Variants in LYN observed in about 807,000 individuals in gnomAD.
The protein encoded by LYN is tyrosine-protein kinase Lyn.
Under a neutral mutation model 65.0 loss-of-function variants are expected in LYN, and 12 were observed. The ratio of observed to expected loss-of-function variants is 0.18; its 90% CI spans 0.12 to 0.30. The LOEUF (loss-of-function observed/expected upper bound fraction) is 0.30. Among genes scored for constraint, LYN ranks in the 10% least tolerant of loss-of-function variants. The pLI, the probability that LYN is intolerant of heterozygous loss-of-function variation, is 1.00. For missense variants in LYN, 380 were observed against 623.2 expected, an observed-to-expected ratio of 0.61 and a Z score of 4.16; for synonymous variants, 222 against 221.2, an observed-to-expected ratio of 1.00 and a Z score of -0.03.
At chr8:55,926,059 A>G (rs1806101270) in intron 1 of LYN, among the ~76,000 whole-genome samples, 1 of 152,220 alleles carries the variant, frequency 6.6e-6, no homozygotes, top group African/African-American at 2.4e-5. Context: ...TATTTTAGCC[A>G]TCCTTAAGAA....
At position 55,999,580 on chromosome 8, in the gene LYN, CTGTA is replaced by C. The variant is rs771702918; in HGVS notation, c.1336+33_1336+36del. On this transcript the variant is annotated intron_variant, in intron 12 of 12. Transcript: ENST00000519728. ...GTTTACTTAGCTATTTACAATCAAG[CTGTA>C]TAAATGAGAAAAAGTCAGGTTGCAT... 3 of 1,608,418 alleles carry C rather than the reference CTGTA, an allele frequency of 1.9e-6. No individual in the cohort carries two copies. In the African/African-American group the frequency reaches 4.0e-5, roughly 22 times the overall value.
intron 10 of LYN, among the ~76,000 whole-genome samples, chr8:55,979,100 G>A (rs1483042659): frequency 7.0e-6 from 1 of 141,966 alleles, no homozygotes; most frequent in Admixed American, 7.2e-5. Flanking sequence ...TGTCACCCAC[G>A]GTGGAGTGCA....
chr8:55,882,563 G>A (rs1030987863), intron 1 of LYN, among the ~76,000 whole-genome samples: 5 of 152,220 alleles, frequency 3.3e-5, no homozygotes, highest in African/African-American at 1.2e-4. Context: ...TCTCAGTGAT[G>A]CATGGATGAG....
intron 1 of LYN, among the ~76,000 whole-genome samples, chr8:55,899,346 A>G (rs1425410797): frequency 2.0e-5 from 3 of 152,336 alleles, no homozygotes; most frequent in African/African-American, 7.2e-5. Flanking sequence ...CCGGACCCCT[A>G]AACTGATGTG....
At chr8:55,931,661 A>G (rs1222761910) in intron 1 of LYN, among the ~76,000 whole-genome samples, 1 of 151,980 alleles carries the variant, frequency 6.6e-6, no homozygotes, top group East Asian at 1.9e-4. Flanking sequence ...TCACTTAAAT[A>G]TATTGTGAAT....
At chr8:55,937,306 G>C (rs1442330550) in intron 1 of LYN, among the ~76,000 whole-genome samples, 2 of 152,092 alleles carry the variant, frequency 1.3e-5, no homozygotes, top group African/African-American at 2.4e-5. Flanking sequence ...TATTAGGTTG[G>C]TGCAAAAGTA....
At chr8:55,935,336 C>A (rs1287068875) in intron 1 of LYN, among the ~76,000 whole-genome samples, 2 of 152,168 alleles carry the variant, frequency 1.3e-5, no homozygotes, top group Non-Finnish European at 2.9e-5. Context: ...ACCAACTGTG[C>A]CCACCCTGGC....
intron 10 of LYN, among the ~76,000 whole-genome samples, chr8:55,991,352 C>G (rs1027659050): frequency 1.3e-5 from 2 of 152,146 alleles, no homozygotes; most frequent in African/African-American, 4.8e-5. Context: ...CTAGCTGCCT[C>G]AAAGCCCTGA....
intron 1 of LYN, among the ~76,000 whole-genome samples, chr8:55,887,838 G>A (rs1804847030): frequency 6.6e-6 from 1 of 151,926 alleles, no homozygotes; most frequent in Non-Finnish European, 1.5e-5. Context: ...TCGAACTTCT[G>A]GCCTCAAGTT....
intron 1 of LYN, among the ~76,000 whole-genome samples, chr8:55,908,222 C>CATTTATATATTT (rs1554575712): frequency 1.5e-4 from 22 of 143,050 alleles, no homozygotes; most frequent in African/African-American, 5.6e-4. Context: ...CTGTTTAAAC[C>CATTTATATATTT]ATTTATTTAT....
chr8:55,959,604 T>A (rs1220077881), intron 8 of LYN, among the ~76,000 whole-genome samples: 3 of 152,166 alleles, frequency 2.0e-5, no homozygotes, highest in African/African-American at 7.2e-5. Context: ...TTTTGCTTTT[T>A]AATTTTTTTT....
chr8:55,942,431 ATGTG>A (rs1179290515), intron 2 of LYN, among the ~76,000 whole-genome samples: 12 of 133,274 alleles, frequency 9.0e-5, no homozygotes, highest in African/African-American at 4.1e-4. Context: ...ATATATATAT[ATGTG>A]TGTGTGTGTA....
At chr8:55,897,151 T>G (rs984108638) in intron 1 of LYN, among the ~76,000 whole-genome samples, 4 of 152,312 alleles carry the variant, frequency 2.6e-5, no homozygotes, top group African/African-American at 7.2e-5. Context: ...ACAGGTATCT[T>G]CTGATTGATC....
intron 12 of LYN, among the ~76,000 whole-genome samples, chr8:56,008,164 A>C (rs971448817): frequency 1.6e-5 from 2 of 126,840 alleles, no homozygotes; most frequent in Non-Finnish European, 3.8e-5. Flanking sequence ...TACTGGTAGT[A>C]CTCTAAAAAA....
intron 10 of LYN, among the ~76,000 whole-genome samples, chr8:55,973,666 A>G (rs928757935): frequency 6.6e-6 from 1 of 152,238 alleles, no homozygotes; most frequent in African/African-American, 2.4e-5. Flanking sequence ...AGAGCAAATA[A>G]ATCATCTTGT....
At chr8:55,933,047 C>A (rs1324606030) in intron 1 of LYN, among the ~76,000 whole-genome samples, 2 of 152,158 alleles carry the variant, frequency 1.3e-5, no homozygotes, top group African/African-American at 4.8e-5. Flanking sequence ...CATCTGTACC[C>A]CAAACCTCAG....
rs142361740 is a variant in LYN at position 55,971,462 on chromosome 8, C to G, written c.1050+1669C>G. ...CTACTCAGGTGGTGATTTGGGTGTC[C>G]CCATGGGTCAAGAGACTTGAGGAGT... On this transcript the variant is annotated intron_variant, in intron 10 of 12. Transcript: ENST00000519728. 2.5e-3 allele frequency among the ~76,000 whole-genome samples: 384 copies of G among 152,284 alleles called. 2 individuals carry two copies. Among genetic ancestry groups the G allele is most frequent in the African/African-American group, 9.0e-3 (375 of 41,558 alleles).
chr8:55,984,378 C>T (rs1196458120), intron 10 of LYN, among the ~76,000 whole-genome samples: 1 of 152,220 alleles, frequency 6.6e-6, no homozygotes, highest in Non-Finnish European at 1.5e-5. Context: ...ATGTCAAACT[C>T]AATGCACCCC....
chr8:56,007,347 T>G (rs186307760), intron 12 of LYN, among the ~76,000 whole-genome samples: 116 of 152,352 alleles, frequency 7.6e-4, no homozygotes, highest in Middle Eastern at 3.4e-3. Context: ...GCCATATCAT[T>G]TTGTGGAGAC....
Sources: gnomAD v4.1 joint callset for allele counts (sites outside exome capture counted in the v4.1 genomes callset) on GRCh38, gnomAD v4.1.1 for gene constraint, MANE v1.5 for transcripts, NCBI Gene and HGNC (gene_info 2026-07-23, HGNC 2026-07-21) for gene names.